Variants in PPP1CA observed in about 807,000 individuals in gnomAD.
The protein encoded by PPP1CA is protein phosphatase 1 catalytic subunit alpha.
A neutral mutation model predicts 38.5 loss-of-function variants in PPP1CA; 14 were observed. That is an observed-to-expected ratio of 0.36 (90% CI 0.24 to 0.57). The LOEUF is 0.57. Ranked by LOEUF, PPP1CA falls within the 20% of genes least tolerant of loss-of-function variation. The pLI, the probability that PPP1CA is intolerant of heterozygous loss-of-function variation, is 0.80. For synonymous variants in PPP1CA, 200 were observed against 177.3 expected, an observed-to-expected ratio of 1.13 and a Z score of -1.02; for missense variants, 277 against 435.2, an observed-to-expected ratio of 0.64 and a Z score of 3.23.
In PPP1CA at chr11:67,398,390, TA is replaced by T. The variant is rs1163294472; in HGVS notation, c.*144del. ...GGACTGGACGCTGCTATTGATTCATTAAAAAAAGAAAAGAAAAATACACCAA... is the reference window on the plus strand; with the variant it reads ...GGACTGGACGCTGCTATTGATTCATTAAAAAAGAAAAGAAAAATACACCAA... On this transcript the variant is annotated 3_prime_UTR_variant, in exon 7 of 7. Coordinates refer to ENST00000376745, the MANE Select transcript of PPP1CA (RefSeq NM_002708.4). 4.8e-6 allele frequency: 4 copies of T among 827,146 alleles called. No individual in the cohort carries two copies. Among genetic ancestry groups the T allele is most frequent in the Non-Finnish European group, 5.6e-6 (3 of 538,826 alleles). The allele number at this position is 827,146 out of a possible 1,614,324, so 51.2% of individuals were successfully genotyped here. A position where few individuals can be genotyped will look rare whatever the true frequency, so the allele number is the denominator to read the frequency against.
chr11:67,399,451 T>C, intron 4 of PPP1CA, 110 bp downstream of exon 4: 3 of 959,746 alleles, frequency 3.1e-6, no homozygotes, highest in Admixed American at 2.0e-5. Context: ...CAGTGGGGTA[T>C]GGGGGACACT....
In PPP1CA at chr11:67,400,771, G is replaced by T; in HGVS notation, c.336C>A (p.Ile112=). The T allele has an allele frequency of 6.2e-7, 1 of 1,614,140 alleles. No homozygotes were observed. The highest frequency in any genetic ancestry group is 8.5e-7 in the Non-Finnish European group (1 of 1,180,040). The part of the protein sequence containing the change: ...ETICLLLAYK[I]KYPENFFLLR... ...GCAGGAAGAAGTTCTCGGGGTACTT[G>T]ATCTTATAGGCCAGCAGCAGGCAGA... The change falls in exon 3 of 7, where the codon ATC becomes ATA. Residue 112 remains isoleucine (I), a synonymous_variant. Transcript: ENST00000376745.
rs1277027424 is a variant in PPP1CA at position 67,401,768 on chromosome 11, C to A, written c.15G>T (p.Glu5Asp). Residue 5 changes from glutamate (E) to aspartate (D), a missense_variant, in exon 1 of 7, where the codon GAG becomes GAT. By Grantham distance (45) the Glu-to-Asp change is conservative. Coordinates refer to ENST00000376745, the MANE Select transcript of PPP1CA (RefSeq NM_002708.4). MSDS[E>D]KLNLDSIIGR... ...CGATGATCGAGTCCAGGTTGAGCTT[C>A]TCGCTGTCGGACATGGCGGCGCCGC... 2 of 1,477,254 alleles carry A rather than the reference C, an allele frequency of 1.4e-6. No homozygotes were observed. Among genetic ancestry groups the A allele is most frequent in the Admixed American group, 4.2e-5 (2 of 48,152 alleles). 91.5% of individuals were successfully genotyped at this position (1,477,254 alleles called of 1,614,324 possible). A position where few individuals can be genotyped will look rare whatever the true frequency, so the allele number is the denominator to read the frequency against.
chr11:67,399,628 G>A lies in PPP1CA; in HGVS notation c.456C>T (p.Phe152=), dbSNP rs753082704. Residue 152 remains phenylalanine, a synonymous_variant, in exon 4 of 7, where the codon TTC becomes TTT. Coordinates refer to ENST00000376745, the MANE Select transcript of PPP1CA (RefSeq NM_002708.4). ...TGGGCAGGCAGTTGAAGCAGTCAGT[G>A]AAGGTTTTCCACAGTTTGATGTTGT... is the stretch of plus-strand genomic sequence containing the variant. The part of the protein sequence containing the change: ...RRYNIKLWKT[F]TDCFNCLPIA... The A allele has an allele frequency of 6.2e-7, 1 of 1,614,144 alleles. No individual in the cohort carries two copies. Among genetic ancestry groups the A allele is most frequent in the Non-Finnish European group, 8.5e-7 (1 of 1,179,986 alleles).
rs1307229649 is a variant in PPP1CA, at chr11:67,399,593, A to G, written c.491T>C (p.Ile164Thr). ...DCFNCLPIAA[I>T]VDEKIFCCHG... ...GCAGCAGAAGATCTTTTCGTCCACT[A>G]TGGCCGCGATGGGCAGGCAGTTGAA... Residue 164 changes from isoleucine (I) to threonine (T), a missense_variant, in exon 4 of 7, where the codon ATA (isoleucine) becomes ACA (threonine). Physicochemically the swap from Ile to Thr is moderately conservative, Grantham distance 89. This residue lies in a region of PPP1CA where 180 missense variants were observed against 356.7 expected (regional missense o/e 0.50). Coordinates refer to ENST00000376745, the MANE Select transcript of PPP1CA (RefSeq NM_002708.4). 11 of 1,613,940 alleles carry G rather than the reference A, an allele frequency of 6.8e-6. No homozygotes were observed. Among genetic ancestry groups the G allele is most frequent in the Non-Finnish European group, 8.5e-6 (10 of 1,179,970 alleles).
Position 67,400,903 on chromosome 11 carries a change from C to T in PPP1CA, c.204G>A (p.Gln68=). 1 of 1,614,130 alleles carries T rather than the reference C, an allele frequency of 6.2e-7. No homozygotes were observed. Among genetic ancestry groups the T allele is most frequent in the South Asian group, 1.1e-5 (1 of 91,092 alleles). The change falls in exon 3 of 7, where the codon CAG becomes CAA. Residue 68 remains glutamine (Q), a synonymous_variant. Coordinates refer to ENST00000376745, the MANE Select transcript of PPP1CA (RefSeq NM_002708.4). The part of the protein sequence containing the change: ...PLKICGDIHG[Q]YYDLLRLFEY... ...CAAATAGTCGCAGAAGGTCGTAGTA[C>T]TGGCCGTGTATGTCACCTGTGACCC... is the stretch of plus-strand genomic sequence containing the variant.
intron 4 of PPP1CA, 118 bp from the exon 5 acceptor site, chr11:67,399,281 C>T (rs1590935992): frequency 3.4e-5 from 33 of 983,328 alleles, no homozygotes; most frequent in African/African-American, 1.1e-4. Context: ...GTCTCCTGGG[C>T]GCCTAGACAG....
Position 67,399,640 on chromosome 11 carries a change from C to G in PPP1CA, c.444G>C (p.Leu148=). ...TGAAGCAGTCAGTGAAGGTTTTCCA[C>G]AGTTTGATGTTGTAGCGTCTCTTGC... is the stretch of plus-strand genomic sequence containing the variant. ...DECKRRYNIK[L]WKTFTDCFNC... is the part of the protein sequence containing the mutation. Residue 148 remains leucine (L), a synonymous_variant, in exon 4 of 7, where the codon CTG becomes CTC. Transcript: ENST00000376745. The G allele has an allele frequency of 1.9e-6, 3 of 1,614,058 alleles. No homozygotes were observed. The highest frequency in any genetic ancestry group is 4.5e-5 in the East Asian group (2 of 44,890).
rs1231929974 is a variant in PPP1CA, at chr11:67,399,159, C to G, written c.528G>C (p.Leu176=). ...DEKIFCCHGG[L]SPDLQSMEQI... is the part of the protein sequence containing the mutation. ...GCTCCATAGACTGCAGGTCCGGGGACAGGCCTGGGGGGCCGGGGGAAGGTC... is the reference window on the plus strand; with the variant it reads ...GCTCCATAGACTGCAGGTCCGGGGAGAGGCCTGGGGGGCCGGGGGAAGGTC... Residue 176 remains leucine, a synonymous_variant, in exon 5 of 7, where the codon CTG becomes CTC. Coordinates refer to ENST00000376745, the MANE Select transcript of PPP1CA (RefSeq NM_002708.4). 6.2e-7 allele frequency: 1 copy of G among 1,612,614 alleles called. No homozygotes were observed. Among genetic ancestry groups the G allele is most frequent in the African/African-American group, 1.3e-5 (1 of 74,930 alleles).
intron 4 of PPP1CA, among the ~76,000 whole-genome samples, 184 bp downstream of exon 4, chr11:67,399,377 G>A (rs893295788): frequency 3.3e-5 from 5 of 152,172 alleles, no homozygotes; most frequent in African/African-American, 9.7e-5. Flanking sequence ...CAGAGCTCCC[G>A]GGAGAAAGGA....
At chr11:67,401,600 G>T in intron 1 of PPP1CA, 128 bp downstream of exon 1, 1 of 860,114 alleles carries the variant, frequency 1.2e-6, no homozygotes, top group Non-Finnish European at 1.5e-6. Context: ...GGGCAGCTGC[G>T]GCCACGGAAC....
chr11:67,399,419 A>C (rs1862830466), intron 4 of PPP1CA, 142 bp downstream of exon 4: 1 of 772,918 alleles, frequency 1.3e-6, no homozygotes, highest in East Asian at 2.7e-5. Flanking sequence ...ACACACATCA[A>C]GGAAGTGAGT....
rs1862790919 is a variant in PPP1CA, at chr11:67,398,470, C to A, written c.*65G>T. The A allele has an allele frequency of 3.9e-6, 6 of 1,525,462 alleles. No homozygotes were observed. Among genetic ancestry groups the A allele is most frequent in the East Asian group, 2.3e-5 (1 of 44,008 alleles). The allele number at this position is 1,525,462 out of a possible 1,614,324, so 94.5% of individuals were successfully genotyped here. ...CTGAGGGGTCGGGGTGACCCCCCCC[C>A]AGCATGGCAGCATGATTTCTGTACA... On this transcript the variant is annotated 3_prime_UTR_variant, in exon 7 of 7. Transcript: ENST00000376745.
In PPP1CA at chr11:67,398,665, T is replaced by G. The variant is rs1250651603; in HGVS notation, c.883-20A>C. Reference sequence around the variant, plus strand: ...GAGGATCTAAAAGAGACAGTGTTGGTCAGGCTCATGGGGCTGAGCCACAGG... The same window carrying G: ...GAGGATCTAAAAGAGACAGTGTTGGGCAGGCTCATGGGGCTGAGCCACAGG... On this transcript the variant is annotated intron_variant, in intron 6 of 6. Transcript: ENST00000376745. The G allele has an allele frequency of 6.2e-7, 1 of 1,613,842 alleles. No homozygotes were observed.
Position 67,399,669 on chromosome 11 carries a change from C to A in PPP1CA, c.419-4G>T. 1 of 1,610,858 alleles carries A rather than the reference C, an allele frequency of 6.2e-7. No homozygotes were observed. The highest frequency in any genetic ancestry group is 8.5e-7 in the Non-Finnish European group (1 of 1,178,204). Reference sequence around the variant, plus strand: ...TTGATGTTGTAGCGTCTCTTGCCTGCCCAGGGGGAGGTGGCTGTGAGGTGC... The same window carrying A: ...TTGATGTTGTAGCGTCTCTTGCCTGACCAGGGGGAGGTGGCTGTGAGGTGC... On this transcript the variant is annotated splice_polypyrimidine_tract_variant and splice_region_variant and intron_variant, in intron 3 of 6. Coordinates refer to ENST00000376745, the MANE Select transcript of PPP1CA (RefSeq NM_002708.4).
At position 67,401,785 on chromosome 11, in the gene PPP1CA, C is replaced by A; in HGVS notation, c.-3G>T. ...TTGAGCTTCTCGCTGTCGGACATGG[C>A]GGCGCCGCCGCTCCAGCCCAGCAGC... On this transcript the variant is annotated 5_prime_UTR_variant, in exon 1 of 7. Transcript: ENST00000376745. 2.0e-6 allele frequency: 3 copies of A among 1,465,848 alleles called. No homozygotes were observed. Among genetic ancestry groups the A allele is most frequent in the Non-Finnish European group, 2.7e-6 (3 of 1,099,032 alleles). The allele number at this position is 1,465,848 out of a possible 1,614,324, so 90.8% of individuals were successfully genotyped here.
At position 67,398,250 on chromosome 11, in the gene PPP1CA, G is replaced by C. The variant is rs951020235; in HGVS notation, c.*285C>G. 6 of 466,902 alleles carry C rather than the reference G, an allele frequency of 1.3e-5. No homozygotes were observed. The highest frequency in any genetic ancestry group is 1.1e-5 in the Non-Finnish European group (3 of 261,596). 28.9% of individuals were successfully genotyped at this position (466,902 alleles called of 1,614,324 possible). A position where few individuals can be genotyped will look rare whatever the true frequency, so the allele number is the denominator to read the frequency against. On this transcript the variant is annotated 3_prime_UTR_variant, in exon 7 of 7. Coordinates refer to ENST00000376745, the MANE Select transcript of PPP1CA (RefSeq NM_002708.4). ...GCCCCAGGATCCGGCTGCCAGCCCT[G>C]AGGCCAAGCACGGCTGGAGACCCAC...
chr11:67,399,675 G>T lies in PPP1CA; in HGVS notation c.419-10C>A. On this transcript the variant is annotated splice_polypyrimidine_tract_variant and intron_variant, in intron 3 of 6. Transcript: ENST00000376745. ...TTGTAGCGTCTCTTGCCTGCCCAGGGGGAGGTGGCTGTGAGGTGCCTGCCT... is the reference window on the plus strand; with the variant it reads ...TTGTAGCGTCTCTTGCCTGCCCAGGTGGAGGTGGCTGTGAGGTGCCTGCCT... The T allele has an allele frequency of 6.2e-7, 1 of 1,609,072 alleles. No homozygotes were observed. Among genetic ancestry groups the T allele is most frequent in the South Asian group, 1.1e-5 (1 of 90,382 alleles).
At position 67,398,645 on chromosome 11, in the gene PPP1CA, T is replaced by G; in HGVS notation, c.883A>C (p.Ile295Leu). 1 of 1,613,966 alleles carries G rather than the reference T, an allele frequency of 6.2e-7. No homozygotes were observed. Among genetic ancestry groups the G allele is most frequent in the Non-Finnish European group, 8.5e-7 (1 of 1,179,964 alleles). Residue 295 changes from isoleucine to leucine, a missense_variant and splice_region_variant, in exon 7 of 7, where the codon ATC becomes CTC. By Grantham distance (5) the Ile-to-Leu change is conservative. Transcript: ENST00000376745. Reference sequence around the variant, plus strand: ...TTGTTCTTGTCGGCGGGCTTGAGGATCTAAAAGAGACAGTGTTGGTCAGGC... The same window carrying G: ...TTGTTCTTGTCGGCGGGCTTGAGGAGCTAAAAGAGACAGTGTTGGTCAGGC... Reference protein sequence around the residue: ...VDETLMCSFQILKPADKNKGK... With the variant: ...VDETLMCSFQLLKPADKNKGK...
Sources: gnomAD v4.1 joint callset for allele counts (sites outside exome capture counted in the v4.1 genomes callset) on GRCh38, gnomAD v4.1.1 for gene constraint, gnomAD v4.1.1 regional missense constraint, MANE v1.5 for transcripts, NCBI Gene and HGNC (gene_info 2026-07-23, HGNC 2026-07-21) for gene names.